Variants in OTOGL observed in about 807,000 individuals in gnomAD.
OTOGL encodes the protein otogelin like, also known as otogelin-like protein.
In OTOGL, 285 loss-of-function variants were observed where a neutral mutation model predicts 318.5. That is an observed-to-expected ratio of 0.89 (90% confidence interval 0.81 to 0.99). The LOEUF (loss-of-function observed/expected upper bound fraction) is 0.99, where lower values mean the gene tolerates loss of function less well. Among genes scored for constraint, OTOGL ranks in the 50% least tolerant of loss-of-function variants. The pLI is 0.00. For synonymous variants in OTOGL, 987 were observed against 936.5 expected, an observed-to-expected ratio of 1.05 and a Z score of -0.99; for missense variants, 2,899 against 2,845.6, an observed-to-expected ratio of 1.02 and a Z score of -0.43.
At position 80,232,935 on chromosome 12, in the gene OTOGL, C is replaced by A; in HGVS notation, c.655C>A (p.Leu219Ile). The change falls in exon 9 of 59, where the codon CTA (leucine) becomes ATA (isoleucine). Residue 219 changes from leucine to isoleucine, a missense_variant. By Grantham distance (5) the Leu-to-Ile change is conservative. Coordinates refer to ENST00000547103, the MANE Select transcript of OTOGL (RefSeq NM_001378609.3). ...AATTGGACAGATTTTCATTGAGAAA[C>A]TAGCTGACTACATTCTTGTGAAAAC... ...QTIGQIFIEK[L>I]ADYILVKTTF... 2.5e-6 allele frequency: 4 copies of A among 1,599,236 alleles called. No individual in the cohort carries two copies. Among genetic ancestry groups the A allele is most frequent in the Non-Finnish European group, 3.4e-6 (4 of 1,179,590 alleles).
At chr12:80,170,279 G>C (rs947555707) in intron 1 of OTOGL, among the ~76,000 whole-genome samples, 6 of 151,516 alleles carry the variant, frequency 4.0e-5, no homozygotes, top group Admixed American at 2.0e-4. Flanking sequence ...AGCTATTCCA[G>C]TCCATGTATA....
chr12:80,250,860 A>G (rs1233203881), intron 11 of OTOGL, among the ~76,000 whole-genome samples: 2 of 152,232 alleles, frequency 1.3e-5, no homozygotes, highest in Non-Finnish European at 2.9e-5. Context: ...AAATCTGCTT[A>G]CTTGATAAGT....
intron 1 of OTOGL, among the ~76,000 whole-genome samples, chr12:80,190,551 G>A (rs1433420746): frequency 6.6e-6 from 1 of 152,074 alleles, no homozygotes; most frequent in East Asian, 1.9e-4. Context: ...ACTTTGGGAG[G>A]CTGAGGCGGG....
chr12:80,256,255 T>C, intron 16 of OTOGL, 82 bp from the exon 17 acceptor site: 2 of 1,430,576 alleles, frequency 1.4e-6, no homozygotes, highest in Non-Finnish European at 1.9e-6. Flanking sequence ...CTTCTCCCTT[T>C]CTCCCATCTC....
chr12:80,154,295 C>A (rs77710167), intron 1 of OTOGL, among the ~76,000 whole-genome samples: 9,747 of 151,718 alleles, frequency 0.064, 988 homozygotes, highest in African/African-American at 0.22. Context: ...GGCAACAGAG[C>A]AAGACTCAGT....
intron 1 of OTOGL, among the ~76,000 whole-genome samples, chr12:80,171,550 A>G (rs1874206826): frequency 6.6e-6 from 1 of 152,228 alleles, no homozygotes; most frequent in Admixed American, 6.5e-5. Context: ...TTTCACTAAT[A>G]CCATACTGTT....
intron 1 of OTOGL, chr12:80,103,025 C>T (rs919536565): frequency 6.7e-6 from 7 of 1,044,184 alleles, no homozygotes; most frequent in South Asian, 1.3e-5. Context: ...TGATAACCAC[C>T]TTGCTGGAGT....
intron 52 of OTOGL, among the ~76,000 whole-genome samples, chr12:80,364,241 T>C (rs192339737): frequency 3.9e-5 from 6 of 152,272 alleles, no homozygotes; most frequent in African/African-American, 1.4e-4. Context: ...ACACAAGCAT[T>C]TATCTGACTC....
At chr12:80,186,193 A>G (rs1339595374) in intron 1 of OTOGL, among the ~76,000 whole-genome samples, 2 of 152,216 alleles carry the variant, frequency 1.3e-5, no homozygotes, top group Admixed American at 6.5e-5. Context: ...GCTTCAAAAC[A>G]GTTGTTTTTT....
chr12:80,294,896 G>A (rs552861723), intron 26 of OTOGL, among the ~76,000 whole-genome samples: 2 of 152,220 alleles, frequency 1.3e-5, no homozygotes, highest in East Asian at 3.9e-4. Flanking sequence ...AGACCGGCCT[G>A]GGTAAACATA....
At chr12:80,128,915 C>T (rs1871052171) in intron 1 of OTOGL, among the ~76,000 whole-genome samples, 1 of 152,134 alleles carries the variant, frequency 6.6e-6, no homozygotes, top group South Asian at 2.1e-4. Flanking sequence ...TGGGAGTGAC[C>T]TGATTTTCCA....
At chr12:80,258,567 T>C (rs908372033) in intron 18 of OTOGL, among the ~76,000 whole-genome samples, 1 of 152,134 alleles carries the variant, frequency 6.6e-6, no homozygotes, top group African/African-American at 2.4e-5. Flanking sequence ...ATTGACCAGG[T>C]ACTTTTCACC....
chr12:80,299,880 G>A (rs1885646953), intron 27 of OTOGL, among the ~76,000 whole-genome samples: 1 of 152,060 alleles, frequency 6.6e-6, no homozygotes, highest in Non-Finnish European at 1.5e-5. Context: ...GAAAAGTAAG[G>A]CGTATGGCAA....
At chr12:80,218,501 T>A (rs551420328) in intron 5 of OTOGL, among the ~76,000 whole-genome samples, 3 of 152,332 alleles carry the variant, frequency 2.0e-5, no homozygotes, top group African/African-American at 7.2e-5. Context: ...TCTGTGGTTC[T>A]CCTCATGTGT....
intron 52 of OTOGL, among the ~76,000 whole-genome samples, chr12:80,363,433 C>T (rs3889884): frequency 0.19 from 28,368 of 152,024 alleles, 2,827 homozygotes; most frequent in Middle Eastern, 0.23. Context: ...TAGCCATTTA[C>T]GAATGAACAT....
intron 43 of OTOGL, among the ~76,000 whole-genome samples, chr12:80,340,915 T>C (rs1179714627): frequency 6.7e-6 from 1 of 149,538 alleles, no homozygotes; most frequent in African/African-American, 2.5e-5. Context: ...TAGTAGCTCC[T>C]TTACAATGTA....
At chr12:80,143,222 T>A (rs1174634555) in intron 1 of OTOGL, among the ~76,000 whole-genome samples, 1 of 152,182 alleles carries the variant, frequency 6.6e-6, no homozygotes, top group African/African-American at 2.4e-5. Flanking sequence ...CATACCCCAC[T>A]ATAGAGTGTT....
intron 35 of OTOGL, among the ~76,000 whole-genome samples, chr12:80,325,848 TG>T (rs1295920422): frequency 6.6e-6 from 1 of 152,138 alleles, no homozygotes; most frequent in East Asian, 1.9e-4. Flanking sequence ...TATTTTGAAA[TG>T]GCATTTGGCT....
intron 8 of OTOGL, among the ~76,000 whole-genome samples, chr12:80,230,134 A>G (rs1170527755): frequency 6.6e-6 from 1 of 152,136 alleles, no homozygotes; most frequent in Non-Finnish European, 1.5e-5. Flanking sequence ...GAACAATTCT[A>G]TTCATTCAGA....
Sources: gnomAD v4.1 joint callset for allele counts (sites outside exome capture counted in the v4.1 genomes callset) on GRCh38, gnomAD v4.1.1 for gene constraint, MANE v1.5 for transcripts, NCBI Gene and HGNC (gene_info 2026-07-23, HGNC 2026-07-21) for gene names.